DNAH12: variants seen among roughly 807,000 people sequenced by gnomAD.
DNAH12 encodes the protein axonemal beta dynein heavy chain 12.
DNAH12 carries 285 observed loss-of-function variants against 371.5 expected under a neutral mutation model. The ratio of observed to expected loss-of-function variants is 0.77; its 90% confidence interval spans 0.70 to 0.85. DNAH12 has a LOEUF of 0.85. Ranked by LOEUF, DNAH12 falls within the 40% of genes least tolerant of loss-of-function variation. The pLI is 0.00. For missense variants in DNAH12, 3,611 were observed against 3,689.4 expected, an observed-to-expected ratio of 0.98 and a Z score of 0.55; for synonymous variants, 1,200 against 1,213.0, an observed-to-expected ratio of 0.99 and a Z score of 0.22.
At chr3:57,393,149 GAACTC>G (rs1445706501) in intron 44 of DNAH12, among the ~76,000 whole-genome samples, 1 of 152,180 alleles carries the variant, frequency 6.6e-6, no homozygotes, top group African/African-American at 2.4e-5. Flanking sequence ...CATGTAGGAA[GAACTC>G]TTATCTGTGC....
intron 40 of DNAH12, among the ~76,000 whole-genome samples, chr3:57,407,926 TA>T (rs2064088724): frequency 6.6e-6 from 1 of 152,168 alleles, no homozygotes; most frequent in African/African-American, 2.4e-5. Context: ...AAACGACAAG[TA>T]CCAGAGTAGG....
rs971876245 is a variant in DNAH12 at position 57,348,663 on chromosome 3, A to C, written c.9674+3422T>G. 6.6e-4 allele frequency among the ~76,000 whole-genome samples: 101 copies of C among 152,334 alleles called. 1 individual carries two copies. Among genetic ancestry groups the C allele is most frequent in the African/African-American group, 2.4e-3 (101 of 41,578 alleles). On this transcript the variant is annotated intron_variant, in intron 60 of 73. Transcript: ENST00000495027. The stretch of plus-strand genomic sequence containing the variant: ...TCTACAAAATAAAGCCTTTTCAAAA[A>C]AAGGATGGGCAAGATATAGAAAACT...
chr3:57,343,936 AT>A (rs1180197965), intron 60 of DNAH12, among the ~76,000 whole-genome samples: 1 of 152,176 alleles, frequency 6.6e-6, no homozygotes, highest in Non-Finnish European at 1.5e-5. Context: ...TATAACATAG[AT>A]TCTTTTGCTC....
At chr3:57,477,241 C>T (rs2066563614) in intron 13 of DNAH12, among the ~76,000 whole-genome samples, 1 of 152,170 alleles carries the variant, frequency 6.6e-6, no homozygotes, top group Admixed American at 6.5e-5. Flanking sequence ...GTGCGCTTTT[C>T]CAACGGGTTT....
At position 57,448,717 on chromosome 3, in the gene DNAH12, G is replaced by A. The variant is rs563472763; in HGVS notation, c.3787-2028C>T. Among the ~76,000 whole-genome samples, 121 of 151,358 alleles carry A rather than the reference G, an allele frequency of 8.0e-4. 3 individuals are homozygous for A. The South Asian group carries it at 0.024, about 30-fold the overall frequency. On this transcript the variant is annotated intron_variant, in intron 25 of 73. Coordinates refer to ENST00000495027, the MANE Select transcript of DNAH12 (RefSeq NM_001366028.2). Reference sequence around the variant, plus strand: ...GAGTGGCCTGTTTTAACAGGGTGCTGATTGGTGCATTTACAATCCCTGAGC... The same window carrying A: ...GAGTGGCCTGTTTTAACAGGGTGCTAATTGGTGCATTTACAATCCCTGAGC...
intron 60 of DNAH12, 141 bp from the exon 61 acceptor site, chr3:57,335,081 T>G (rs1271614764): frequency 2.2e-6 from 2 of 890,666 alleles, no homozygotes; most frequent in East Asian, 5.4e-5. Flanking sequence ...CTGGACAAAA[T>G]TAATGAAACA....
intron 69 of DNAH12, among the ~76,000 whole-genome samples, chr3:57,303,021 T>C (rs2061394241): frequency 1.3e-5 from 2 of 151,938 alleles, no homozygotes; most frequent in Non-Finnish European, 2.9e-5. Flanking sequence ...CAGATCTCTT[T>C]TCATCATCAT....
intron 55 of DNAH12, among the ~76,000 whole-genome samples, chr3:57,373,603 C>T (rs1022696756): frequency 2.2e-4 from 34 of 151,762 alleles, no homozygotes; most frequent in African/African-American, 7.7e-4. Flanking sequence ...GGATTACAGG[C>T]GTGAGCCACC....
intron 43 of DNAH12, among the ~76,000 whole-genome samples, chr3:57,398,897 G>C (rs1269983580): frequency 2.6e-5 from 4 of 152,280 alleles, no homozygotes; most frequent in South Asian, 4.1e-4. Context: ...TGGAGAAATA[G>C]AGAATCCTGT....
chr3:57,384,725 A>C (rs1331486758), intron 49 of DNAH12, 104 bp downstream of exon 49: 1 of 152,204 alleles, frequency 6.6e-6, no homozygotes, highest in Non-Finnish European at 1.5e-5. Context: ...GACAAAAACA[A>C]TATAATATCA....
At chr3:57,411,850 G>A (rs573433633) in intron 39 of DNAH12, among the ~76,000 whole-genome samples, 5 of 152,094 alleles carry the variant, frequency 3.3e-5, no homozygotes, top group African/African-American at 1.2e-4. Flanking sequence ...GATATGGAGA[G>A]GCCAAAGTCC....
At chr3:57,533,816 T>G (rs2068933287) in intron 2 of DNAH12, among the ~76,000 whole-genome samples, 1 of 152,130 alleles carries the variant, frequency 6.6e-6, no homozygotes, top group African/African-American at 2.4e-5. Context: ...AGCCTGGGGT[T>G]AGGGGTTAGG....
chr3:57,327,213 T>C (rs767619002), intron 62 of DNAH12, among the ~76,000 whole-genome samples: 1 of 152,136 alleles, frequency 6.6e-6, no homozygotes, highest in African/African-American at 2.4e-5. Context: ...ATGGACCTAA[T>C]AGACATCTAC....
In DNAH12 at chr3:57,309,953, G is replaced by T. The variant is rs2061553623; in HGVS notation, c.10897-99C>A. On this transcript the variant is annotated intron_variant, in intron 67 of 73. Coordinates refer to ENST00000495027, the MANE Select transcript of DNAH12 (RefSeq NM_001366028.2). Reference sequence around the variant, plus strand: ...CAAAATATGCTACTTTGGCATAGGGGTTATGTGAGTTGAAGCCAATTAATA... The same window carrying T: ...CAAAATATGCTACTTTGGCATAGGGTTTATGTGAGTTGAAGCCAATTAATA... The T allele has an allele frequency of 2.5e-5, 25 of 1,001,370 alleles. No homozygotes were observed. In the South Asian group the frequency reaches 5.2e-4, roughly 21 times the overall value. The allele number at this position is 1,001,370 out of a possible 1,614,324, so 62.0% of individuals were successfully genotyped here.
Position 57,542,501 on chromosome 3 carries a change from C to A in DNAH12, c.170+200G>T, listed in dbSNP as rs574441923. Among the ~76,000 whole-genome samples the A allele has an allele frequency of 1.2e-4, 18 of 152,204 alleles. 1 individual carries two copies. The South Asian group carries it at 2.3e-3, about 19-fold the overall frequency. On this transcript the variant is annotated intron_variant, in intron 2 of 73. Coordinates refer to ENST00000495027, the MANE Select transcript of DNAH12 (RefSeq NM_001366028.2). ...ATAGGATTGTTGCAAGAAGTATAGG[C>A]GATAAGAACAATGTCTGTCAGTGTA...
Position 57,367,965 on chromosome 3 carries a change from G to A in DNAH12, c.8974+81C>T, listed in dbSNP as rs921622196. 5 of 152,306 alleles carry A rather than the reference G, an allele frequency of 3.3e-5. No homozygotes were observed. The East Asian group carries it at 9.6e-4, about 29-fold the overall frequency. 9.4% of individuals were successfully genotyped at this position (152,306 alleles called of 1,614,324 possible). On this transcript the variant is annotated intron_variant, in intron 56 of 73. Transcript: ENST00000495027. Reference sequence around the variant, plus strand: ...TGCATTATTAACATTATTATTAAATGTATGTAGTAGGCTTCTTTCATGCCT... The same window carrying A: ...TGCATTATTAACATTATTATTAAATATATGTAGTAGGCTTCTTTCATGCCT...
rs368819462 is a variant in DNAH12, at chr3:57,504,179, A to G, written c.923T>C (p.Val308Ala). Residue 308 changes from valine (V) to alanine (A), a missense_variant, in exon 9 of 74, where the codon GTA becomes GCA. Around this residue, in one of 3 missense-constraint regions of DNAH12, gnomAD observed 1,314 missense variants for 1,398.7 expected, o/e 0.94. Coordinates refer to ENST00000495027, the MANE Select transcript of DNAH12 (RefSeq NM_001366028.2). The stretch of plus-strand genomic sequence containing the variant: ...GTCAAAGAGTTTTACAAATCCTTCT[A>G]CAGTTCTCCTTAATAGATCCTTTAG... The part of the protein sequence containing the change: ...NQLKDLLRRT[V>A]EGFVKLFDPK... The G allele has an allele frequency of 2.4e-5, 38 of 1,613,252 alleles. No homozygotes were observed. Among genetic ancestry groups the G allele is most frequent in the Non-Finnish European group, 3.2e-5 (38 of 1,179,608 alleles).
chr3:57,446,164 T>C lies in DNAH12; in HGVS notation c.4046A>G (p.Gln1349Arg). 6.4e-7 allele frequency: 1 copy of C among 1,551,752 alleles called. No individual in the cohort carries two copies. The highest frequency in any genetic ancestry group is 8.7e-7 in the Non-Finnish European group (1 of 1,147,002). Residue 1349 changes from glutamine (Q) to arginine (R), a missense_variant, in exon 27 of 74, where the codon CAG becomes CGG. Physicochemically the swap from Gln to Arg is conservative, Grantham distance 43. This residue lies in a region of DNAH12 where 2,266 missense variants were observed against 2,236.9 expected (regional missense o/e 1.01). Coordinates refer to ENST00000495027, the MANE Select transcript of DNAH12 (RefSeq NM_001366028.2). Reference protein sequence around the residue: ...SVVAQQILCIQRAIQQKLVVF... With the variant: ...SVVAQQILCIRRAIQQKLVVF... ...AACCAACTTCTGTTGAATAGCTCTC[T>C]GAATGCAAAGGATCTGTTGAGCTAC...
At chr3:57,306,910 C>A (rs546276267) in intron 69 of DNAH12, among the ~76,000 whole-genome samples, 2 of 152,142 alleles carry the variant, frequency 1.3e-5, no homozygotes, top group Non-Finnish European at 2.9e-5. Context: ...CCTACACAAC[C>A]CATTATTCTG....
Sources: gnomAD v4.1 joint callset for allele counts (sites outside exome capture counted in the v4.1 genomes callset) on GRCh38, gnomAD v4.1.1 for gene constraint, gnomAD v4.1.1 regional missense constraint, MANE v1.5 for transcripts, NCBI Gene and HGNC (gene_info 2026-07-23, HGNC 2026-07-21) for gene names.